OR1J2: variants seen among roughly 807,000 people sequenced by gnomAD.
OR1J2 encodes the protein olfactory receptor 1J2.
For missense variants in OR1J2, 304 were observed against 246.1 expected, an observed-to-expected ratio of 1.24 and a Z score of -1.57; for synonymous variants, 142 against 99.7, an observed-to-expected ratio of 1.42 and a Z score of -2.52.
the OR1J2 span, among the ~76,000 whole-genome samples, chr9:122,470,449 C>A: frequency 5.3e-5 from 8 of 152,234 alleles, no homozygotes; most frequent in Admixed American, 3.3e-4. Context: ...CATGGATGCC[C>A]AGGCAGAAGT....
At chr9:122,520,683 C>T in the OR1J2 span, among the ~76,000 whole-genome samples, 9 of 152,152 alleles carry the variant, frequency 5.9e-5, no homozygotes, top group Admixed American at 5.2e-4. Context: ...TCAATCACGC[C>T]GCAGACTTAC....
the OR1J2 span, among the ~76,000 whole-genome samples, chr9:122,543,432 T>C: frequency 6.6e-6 from 1 of 152,142 alleles, no homozygotes; most frequent in Admixed American, 6.6e-5. Flanking sequence ...TGAACTCCTG[T>C]GCTCAAGTGA....
the OR1J2 span, among the ~76,000 whole-genome samples, chr9:122,544,720 A>C: frequency 5.3e-5 from 8 of 151,846 alleles, no homozygotes; most frequent in African/African-American, 1.9e-4. Flanking sequence ...TGCCTGTGAA[A>C]CCTGTATGGA....
At chr9:122,535,381 A>G in the OR1J2 span, among the ~76,000 whole-genome samples, 7 of 152,262 alleles carry the variant, frequency 4.6e-5, no homozygotes, top group East Asian at 1.4e-3. Flanking sequence ...GTGTCCCTGC[A>G]ATGATTAAAC....
the OR1J2 span, chr9:122,477,520 A>T: frequency 6.2e-7 from 1 of 1,614,188 alleles, no homozygotes; most frequent in South Asian, 1.1e-5. Context: ...GCTCTGAGTC[A>T]TGATGGTGGC....
At chr9:122,568,631 C>A in the OR1J2 span, 1 of 563,854 alleles carries the variant, frequency 1.8e-6, no homozygotes, top group Non-Finnish European at 3.1e-6. Context: ...ACCTCATGGT[C>A]CTTGATGGGG....
the OR1J2 span, chr9:122,572,688 CTTAA>C: frequency 6.6e-6 from 1 of 151,798 alleles, no homozygotes; most frequent in Non-Finnish European, 1.5e-5. Context: ...GTTATGACTT[CTTAA>C]TTCATGAAAT....
chr9:122,567,899 T>C, the OR1J2 span: 8 of 1,613,914 alleles, frequency 5.0e-6, no homozygotes, highest in Non-Finnish European at 6.8e-6. Flanking sequence ...CATTGACAAA[T>C]ATGGAAGAGC....
the OR1J2 span, among the ~76,000 whole-genome samples, chr9:122,494,265 T>A: frequency 6.6e-6 from 1 of 152,198 alleles, no homozygotes; most frequent in Admixed American, 6.5e-5. Context: ...ACCTGTCTAG[T>A]GCTGTCAGTG....
At chr9:122,493,737 T>A in the OR1J2 span, among the ~76,000 whole-genome samples, 2 of 152,166 alleles carry the variant, frequency 1.3e-5, no homozygotes, top group Non-Finnish European at 2.9e-5. Flanking sequence ...TTCTGCTGGT[T>A]GTGGGTTTGG....
chr9:122,502,157 A>G, the OR1J2 span, among the ~76,000 whole-genome samples: 1 of 152,242 alleles, frequency 6.6e-6, no homozygotes, highest in Non-Finnish European at 1.5e-5. Flanking sequence ...CTGATAGTTG[A>G]AGCTCTGGAC....
At chr9:122,460,403 G>T in the OR1J2 span, among the ~76,000 whole-genome samples, 2 of 151,934 alleles carry the variant, frequency 1.3e-5, no homozygotes, top group African/African-American at 4.8e-5. Context: ...TGTTTCCTTT[G>T]TGAAAGATTG....
At chr9:122,530,738 T>C in the OR1J2 span, among the ~76,000 whole-genome samples, 1 of 152,106 alleles carries the variant, frequency 6.6e-6, no homozygotes, top group Non-Finnish European at 1.5e-5. Context: ...GGGGCCGTTT[T>C]ATAAGATTTG....
the OR1J2 span, among the ~76,000 whole-genome samples, chr9:122,529,891 T>C: frequency 3.3e-5 from 5 of 152,340 alleles, no homozygotes; most frequent in East Asian, 9.6e-4. Flanking sequence ...TGACTCTGCT[T>C]ACCACTACCC....
chr9:122,480,335 G>A, the OR1J2 span, among the ~76,000 whole-genome samples: 4 of 152,162 alleles, frequency 2.6e-5, no homozygotes, highest in Non-Finnish European at 5.9e-5. Flanking sequence ...TGTTCATTAA[G>A]TGGTGCTGAG....
the OR1J2 span, among the ~76,000 whole-genome samples, chr9:122,569,238 T>C: frequency 6.6e-6 from 1 of 152,210 alleles, no homozygotes; most frequent in South Asian, 2.1e-4. Context: ...AAATTGTTTT[T>C]CCCTTCTTTA....
chr9:122,449,593 T>A, the OR1J2 span, among the ~76,000 whole-genome samples: 1 of 152,128 alleles, frequency 6.6e-6, no homozygotes, highest in South Asian at 2.1e-4. Flanking sequence ...ATGGTCTCGA[T>A]CTCCTGACCT....
At chr9:122,482,339 G>A in the OR1J2 span, among the ~76,000 whole-genome samples, 1 of 152,068 alleles carries the variant, frequency 6.6e-6, no homozygotes, top group African/African-American at 2.4e-5. Flanking sequence ...ACCCCAAATA[G>A]AATGGTTATT....
the OR1J2 span, among the ~76,000 whole-genome samples, chr9:122,473,631 G>A: frequency 6.6e-6 from 1 of 152,158 alleles, no homozygotes; most frequent in African/African-American, 2.4e-5. Context: ...AGGCTAATGT[G>A]TGTTGGGATG....
Sources: gnomAD v4.1 joint callset for allele counts (sites outside exome capture counted in the v4.1 genomes callset) on GRCh38, gnomAD v4.1.1 for gene constraint, MANE v1.5 for transcripts, NCBI Gene and HGNC (gene_info 2026-07-23, HGNC 2026-07-21) for gene names.